The following ARID1B variants were observed in gnomAD, a reference collection of about 807,000 sequenced individuals.
ARID1B encodes AT-rich interaction domain 1B.
In ARID1B, 30 loss-of-function variants were observed where a neutral mutation model predicts 212.3. The observed-to-expected ratio is 0.14, with a 90% CI of 0.11 to 0.19. The LOEUF (loss-of-function observed/expected upper bound fraction) is 0.19, where lower values mean the gene tolerates loss of function less well. ARID1B is among the 10% of genes least tolerant of loss of function. The pLI, the probability that ARID1B is intolerant of heterozygous loss-of-function variation, is 1.00. For missense variants in ARID1B, 2,891 were observed against 3,204.0 expected (o/e 0.90, Z 2.36); for synonymous variants, 1,402 against 1,301.7 (o/e 1.08, Z -1.66).
At chr6:157,078,170 C>T (rs921757733) in intron 4 of ARID1B, among the ~76,000 whole-genome samples, 2 of 152,060 alleles carry the variant, frequency 1.3e-5, no homozygotes, top group East Asian at 3.9e-4. Flanking sequence ...ATGCCGCTAA[C>T]AAGATGCTGT....
intron 4 of ARID1B, among the ~76,000 whole-genome samples, chr6:157,064,370 T>G (rs1783541747): frequency 6.6e-6 from 1 of 152,248 alleles, no homozygotes; most frequent in African/African-American, 2.4e-5. Flanking sequence ...AACGCATGTT[T>G]AGCTATGTGT....
chr6:156,920,940 C>G (rs934684344), intron 3 of ARID1B, among the ~76,000 whole-genome samples: 1 of 151,850 alleles, frequency 6.6e-6, no homozygotes, highest in Non-Finnish European at 1.5e-5. Context: ...CCACAACCTC[C>G]GCCTCCCAGG....
intron 2 of ARID1B, among the ~76,000 whole-genome samples, chr6:156,894,081 C>T (rs917765640): frequency 6.6e-6 from 1 of 152,104 alleles, no homozygotes; most frequent in African/African-American, 2.4e-5. Flanking sequence ...ATGCTGTATA[C>T]ATTCCGTGGC....
chr6:157,060,719 C>T (rs1195252234), intron 4 of ARID1B, among the ~76,000 whole-genome samples: 2 of 139,328 alleles, frequency 1.4e-5, no homozygotes, highest in Non-Finnish European at 1.5e-5. Context: ...CACAGATTCA[C>T]AATCCTGAGA....
At chr6:156,895,619 CAAAATCTTTATGGT>C (rs954602449) in intron 2 of ARID1B, among the ~76,000 whole-genome samples, 1 of 151,998 alleles carries the variant, frequency 6.6e-6, no homozygotes, top group Non-Finnish European at 1.5e-5. Flanking sequence ...GGGGTGGAGG[CAAAATCTTTATGGT>C]AAAAGTGGAA....
chr6:156,933,420 T>C (rs1791915553), intron 3 of ARID1B, among the ~76,000 whole-genome samples: 1 of 152,124 alleles, frequency 6.6e-6, no homozygotes, highest in African/African-American at 2.4e-5. Context: ...ATCCATGCTG[T>C]TTATGGAAAG....
rs1226247508 is a variant in ARID1B at position 157,210,385 on chromosome 6, A to G, written c.*2494A>G. ...CAGTATTCCAATTCCTTTGTCAATCAGAAGAGTAAAATAATTAACAAAAGA... is the reference window on the plus strand; with the variant it reads ...CAGTATTCCAATTCCTTTGTCAATCGGAAGAGTAAAATAATTAACAAAAGA... On this transcript the variant is annotated 3_prime_UTR_variant, in exon 20 of 20. Coordinates refer to ENST00000636930, the MANE Select transcript of ARID1B (RefSeq NM_001374828.1). The G allele has an allele frequency of 1.3e-5, 3 of 230,200 alleles. No homozygotes were observed. The highest frequency in any genetic ancestry group is 6.6e-5 in the African/African-American group (3 of 45,196). 14.3% of individuals were successfully genotyped at this position (230,200 alleles called of 1,614,324 possible).
Position 157,203,779 on chromosome 6 carries a change from CTTATTTTT to C in ARID1B, c.5264-85_5264-78del. 1 of 1,505,920 alleles carries C rather than the reference CTTATTTTT, an allele frequency of 6.6e-7. No homozygotes were observed. Among genetic ancestry groups the C allele is most frequent in the Admixed American group, 1.7e-5 (1 of 58,164 alleles). 93.3% of individuals were successfully genotyped at this position (1,505,920 alleles called of 1,614,324 possible). On this transcript the variant is annotated intron_variant, in intron 18 of 19. Coordinates refer to ENST00000636930, the MANE Select transcript of ARID1B (RefSeq NM_001374828.1). The surrounding 1 kb of genome is among the most constrained non-coding windows in gnomAD (Gnocchi z 4.4). ...AGTCAATATTTAACTTAACACTCCACTTATTTTTTCTTACTCTTTCGTTAACTTTCGTT... is the reference window on the plus strand; with the variant it reads ...AGTCAATATTTAACTTAACACTCCACTCTTACTCTTTCGTTAACTTTCGTT...
intron 3 of ARID1B, among the ~76,000 whole-genome samples, chr6:156,910,590 T>G (rs1276151256): frequency 6.6e-6 from 1 of 152,232 alleles, no homozygotes; most frequent in Admixed American, 6.5e-5. Context: ...TGGGTGTTCT[T>G]CATGTTACTC....
chr6:156,849,064 T>G (rs1784413909), intron 2 of ARID1B, among the ~76,000 whole-genome samples: 1 of 152,250 alleles, frequency 6.6e-6, no homozygotes, highest in African/African-American at 2.4e-5. Context: ...ACATATTTAT[T>G]AAATGTCAAA....
At chr6:156,963,690 G>C (rs1328470180) in intron 4 of ARID1B, among the ~76,000 whole-genome samples, 1 of 152,096 alleles carries the variant, frequency 6.6e-6, no homozygotes, top group African/African-American at 2.4e-5. Flanking sequence ...CAAAACCATG[G>C]AAGAGTTTGT....
intron 7 of ARID1B, among the ~76,000 whole-genome samples, chr6:157,145,700 A>G (rs1400836307): frequency 6.6e-6 from 1 of 152,238 alleles, no homozygotes; most frequent in Non-Finnish European, 1.5e-5. Flanking sequence ...GAGACTGTGT[A>G]GCAGAGTGTG....
intron 3 of ARID1B, among the ~76,000 whole-genome samples, chr6:156,904,337 A>G (rs929899565): frequency 7.9e-5 from 12 of 152,312 alleles, no homozygotes; most frequent in African/African-American, 2.9e-4. Context: ...ATTCATTTTT[A>G]TAGCTTCATT....
intron 3 of ARID1B, among the ~76,000 whole-genome samples, chr6:156,931,393 T>C (rs1047381087): frequency 6.6e-6 from 1 of 152,174 alleles, no homozygotes; most frequent in Non-Finnish European, 1.5e-5. Flanking sequence ...GCCCTTGTAA[T>C]AGTTATCTTT....
chr6:156,952,685 C>CT (rs1306664822), intron 4 of ARID1B, among the ~76,000 whole-genome samples: 1 of 152,170 alleles, frequency 6.6e-6, no homozygotes, highest in Non-Finnish European at 1.5e-5. Context: ...GGAGCAGGGT[C>CT]TGTTGAAAGA....
chr6:157,048,554 C>G (rs1157543271), intron 4 of ARID1B, among the ~76,000 whole-genome samples: 1 of 152,170 alleles, frequency 6.6e-6, no homozygotes, highest in Non-Finnish European at 1.5e-5. Context: ...TGCTTTTACT[C>G]TGGTCTTTTA....
intron 6 of ARID1B, among the ~76,000 whole-genome samples, chr6:157,112,026 A>G (rs1294208628): frequency 5.9e-5 from 9 of 152,158 alleles, no homozygotes; most frequent in Non-Finnish European, 1.2e-4. Context: ...ACTGCCTTCT[A>G]ATAGTACAAT....
intron 2 of ARID1B, among the ~76,000 whole-genome samples, chr6:156,832,836 T>C (rs1783236345): frequency 6.6e-6 from 1 of 152,142 alleles, no homozygotes; most frequent in South Asian, 2.1e-4. Flanking sequence ...ATTTGTATGG[T>C]GATAATTTTG....
intron 2 of ARID1B, among the ~76,000 whole-genome samples, chr6:156,844,803 A>T (rs1270214002): frequency 1.3e-5 from 2 of 152,336 alleles, no homozygotes; most frequent in East Asian, 3.8e-4. Context: ...AACTGTCTGT[A>T]GTTGAGTCAT....
Sources: gnomAD v4.1 joint callset for allele counts (sites outside exome capture counted in the v4.1 genomes callset) on GRCh38, gnomAD v4.1.1 for gene constraint, Gnocchi (gnomAD v3.1) non-coding constraint, MANE v1.5 for transcripts, NCBI Gene and HGNC (gene_info 2026-07-23, HGNC 2026-07-21) for gene names.